TBC1D5: variants seen among roughly 807,000 people sequenced by gnomAD.
The protein encoded by TBC1D5 is TBC1 domain family, member 5.
A neutral mutation model predicts 100.3 loss-of-function variants in TBC1D5; 75 were observed. That is an observed-to-expected ratio of 0.75 (90% CI 0.62 to 0.91). TBC1D5 has a LOEUF of 0.91. Among genes scored for constraint, TBC1D5 ranks in the 40% least tolerant of loss-of-function variants. TBC1D5 has a pLI of 0.00. For synonymous variants in TBC1D5, 323 were observed against 325.6 expected (o/e 0.99, Z 0.09); for missense variants, 910 against 942.4 (o/e 0.97, Z 0.45).
At chr3:17,730,073 T>C (rs943103933) in intron 1 of TBC1D5, among the ~76,000 whole-genome samples, 12 of 151,874 alleles carry the variant, frequency 7.9e-5, no homozygotes, top group African/African-American at 2.9e-4. Context: ...AATGCACCAC[T>C]GCACTCCAGC....
At chr3:17,236,928 C>T (rs2149004220) in intron 17 of TBC1D5, among the ~76,000 whole-genome samples, 1 of 152,182 alleles carries the variant, frequency 6.6e-6, no homozygotes, top group East Asian at 1.9e-4. Flanking sequence ...TGGGTGTGTG[C>T]ATGTGTGTGT....
chr3:17,645,631 C>T (rs997356801), intron 1 of TBC1D5, among the ~76,000 whole-genome samples: 42 of 152,096 alleles, frequency 2.8e-4, no homozygotes, highest in African/African-American at 8.9e-4. Context: ...GCTTAGGTTT[C>T]CTCTTTGTAT....
intron 17 of TBC1D5, among the ~76,000 whole-genome samples, chr3:17,219,479 GTT>G (rs71049188): frequency 2.0e-4 from 29 of 146,482 alleles, no homozygotes; most frequent in Non-Finnish European, 2.7e-4. Context: ...CTTTCCTGTG[GTT>G]TTTTTTTTTT....
At chr3:17,323,746 A>G (rs920515729) in intron 13 of TBC1D5, among the ~76,000 whole-genome samples, 1 of 152,316 alleles carries the variant, frequency 6.6e-6, no homozygotes, top group Middle Eastern at 3.4e-3. Context: ...TAAGATTTCT[A>G]TTTTCCTAAA....
chr3:17,255,104 A>T (rs544108806), intron 16 of TBC1D5, among the ~76,000 whole-genome samples: 29 of 152,342 alleles, frequency 1.9e-4, no homozygotes, highest in African/African-American at 6.7e-4. Flanking sequence ...GAATGAGTAT[A>T]GAGAAGAAAA....
chr3:17,435,888 A>C (rs2149463349), intron 3 of TBC1D5, among the ~76,000 whole-genome samples: 1 of 152,358 alleles, frequency 6.6e-6, no homozygotes, highest in East Asian at 1.9e-4. Flanking sequence ...GAAGACCCTA[A>C]GCTTCCACCA....
chr3:17,352,511 A>G (rs1469249019), intron 13 of TBC1D5, among the ~76,000 whole-genome samples: 2 of 151,922 alleles, frequency 1.3e-5, no homozygotes, highest in Non-Finnish European at 2.9e-5. Context: ...TTCCTTTTAT[A>G]GAGTTGACTG....
chr3:17,703,310 A>G (rs1224946922), intron 1 of TBC1D5, among the ~76,000 whole-genome samples: 1 of 152,148 alleles, frequency 6.6e-6, no homozygotes. Context: ...AGGCTTTAAA[A>G]AAAAATCCCT....
chr3:17,343,786 T>C (rs1275685351), intron 13 of TBC1D5, among the ~76,000 whole-genome samples: 4 of 152,150 alleles, frequency 2.6e-5, no homozygotes, highest in South Asian at 2.1e-4. Flanking sequence ...TGATGGTAGG[T>C]TGTATTTCTG....
At chr3:17,242,328 A>G (rs2076372559) in intron 16 of TBC1D5, among the ~76,000 whole-genome samples, 1 of 151,972 alleles carries the variant, frequency 6.6e-6, no homozygotes, top group South Asian at 2.1e-4. Context: ...TTCTTCCTCT[A>G]TGTTTATTTT....
At chr3:17,601,953 C>T (rs1158693765) in intron 2 of TBC1D5, among the ~76,000 whole-genome samples, 1 of 152,124 alleles carries the variant, frequency 6.6e-6, no homozygotes, top group Non-Finnish European at 1.5e-5. Context: ...TCTCAGCCTC[C>T]TGAGTAGCTG....
In TBC1D5 at chr3:17,428,502, C is replaced by T; in HGVS notation, c.115G>A (p.Gly39Arg). 1 of 1,503,440 alleles carries T rather than the reference C, an allele frequency of 6.7e-7. No individual in the cohort carries two copies. Among genetic ancestry groups the T allele is most frequent in the Non-Finnish European group, 8.9e-7 (1 of 1,125,152 alleles). 93.1% of individuals were successfully genotyped at this position (1,503,440 alleles called of 1,614,324 possible). A position where few individuals can be genotyped will look rare whatever the true frequency, so the allele number is the denominator to read the frequency against. Residue 39 changes from glycine to arginine, a missense_variant, in exon 4 of 22, where the codon GGA becomes AGA. Coordinates refer to ENST00000253692, the Ensembl canonical transcript of TBC1D5. ...TCTAAAGTAGAACTTGTTCTTCTTCCATTTTTATTTGAATCTCCTGGAGAA... is the reference window on the plus strand; with the variant it reads ...TCTAAAGTAGAACTTGTTCTTCTTCTATTTTTATTTGAATCTCCTGGAGAA...
chr3:17,245,681 C>G (rs772409648), intron 16 of TBC1D5, among the ~76,000 whole-genome samples: 13 of 152,074 alleles, frequency 8.5e-5, no homozygotes, highest in Non-Finnish European at 1.9e-4. Context: ...CAAATAATAA[C>G]CTATTATGTA....
Position 17,508,770 on chromosome 3 carries a change from A to G in TBC1D5, c.-35-165T>C, listed in dbSNP as rs878955093. 2.0e-5 allele frequency among the ~76,000 whole-genome samples: 3 copies of G among 152,184 alleles called. No homozygotes were observed. In the South Asian group the frequency reaches 6.2e-4, roughly 32 times the overall value. ...ATTGGTAGGCTTATGCAAAGAAGGG[A>G]AAAAGGTAACAAAATTTCCATTTCA... On this transcript the variant is annotated intron_variant, in intron 2 of 21. Coordinates refer to ENST00000253692, the Ensembl canonical transcript of TBC1D5.
chr3:17,653,256 T>A (rs1036885236), intron 1 of TBC1D5, among the ~76,000 whole-genome samples: 12 of 152,120 alleles, frequency 7.9e-5, no homozygotes, highest in Non-Finnish European at 1.8e-4. Flanking sequence ...TGCACAATTT[T>A]AAACACTTGA....
intron 3 of TBC1D5, among the ~76,000 whole-genome samples, chr3:17,459,632 G>A (rs539549945): frequency 3.2e-4 from 48 of 152,010 alleles, no homozygotes; most frequent in Non-Finnish European, 4.0e-4. Flanking sequence ...ATGCAGCAGC[G>A]CTCACTTCCA....
intron 18 of TBC1D5, among the ~76,000 whole-genome samples, chr3:17,191,127 T>C (rs1031620777): frequency 6.6e-6 from 1 of 152,162 alleles, no homozygotes; most frequent in Non-Finnish European, 1.5e-5. Context: ...ATAAGTGGTA[T>C]GAGGTGTGAA....
chr3:17,358,053 G>A (rs2091374478), intron 13 of TBC1D5, among the ~76,000 whole-genome samples: 1 of 152,118 alleles, frequency 6.6e-6, no homozygotes, highest in Non-Finnish European at 1.5e-5. Flanking sequence ...ACTCACTCCA[G>A]TTGGGGAAAT....
At chr3:17,264,463 C>A (rs1039868899) in intron 15 of TBC1D5, among the ~76,000 whole-genome samples, 4 of 152,160 alleles carry the variant, frequency 2.6e-5, no homozygotes, top group Non-Finnish European at 4.4e-5. Flanking sequence ...ATTGGCAGAA[C>A]TGAAAAGAGC....
Sources: gnomAD v4.1 joint callset for allele counts (sites outside exome capture counted in the v4.1 genomes callset) on GRCh38, gnomAD v4.1.1 for gene constraint, MANE v1.5 for transcripts, NCBI Gene and HGNC (gene_info 2026-07-23, HGNC 2026-07-21) for gene names.